The following TAFA4 variants were observed in gnomAD, a reference collection of about 807,000 sequenced individuals.
TAFA4 encodes the protein TAFA chemokine like family member 4.
In TAFA4, 20 loss-of-function variants were observed where a neutral mutation model predicts 21.1. The ratio of observed to expected loss-of-function variants is 0.95; its 90% CI spans 0.67 to 1.38. The LOEUF is 1.38. TAFA4 is among the 40% of genes most tolerant of loss of function. The pLI is 0.00. For missense variants in TAFA4, 211 were observed against 180.9 expected (o/e 1.17, Z -0.95); for synonymous variants, 71 against 67.4 (o/e 1.05, Z -0.26).
chr3:68,761,893 G>GCTAA (rs1236031921), intron 3 of TAFA4, among the ~76,000 whole-genome samples: 1 of 152,092 alleles, frequency 6.6e-6, no homozygotes, highest in African/African-American at 2.4e-5. Flanking sequence ...ATGTTAAGAG[G>GCTAA]CTAACTCCAA....
chr3:68,874,791 C>T (rs944259001), intron 3 of TAFA4, among the ~76,000 whole-genome samples: 3 of 152,000 alleles, frequency 2.0e-5, no homozygotes, highest in Non-Finnish European at 4.4e-5. Context: ...TTTACACACA[C>T]ACACACACAC....
At chr3:68,771,455 G>C (rs923102159) in intron 3 of TAFA4, among the ~76,000 whole-genome samples, 8 of 152,316 alleles carry the variant, frequency 5.3e-5, no homozygotes, top group Admixed American at 1.3e-4. Context: ...CTCCCCTTTG[G>C]GGTTTGAGCA....
At chr3:68,873,531 G>A (rs754774866) in intron 3 of TAFA4, among the ~76,000 whole-genome samples, 3 of 151,990 alleles carry the variant, frequency 2.0e-5, no homozygotes, top group South Asian at 2.1e-4. Flanking sequence ...ATGTTTAGCC[G>A]GCAACAGCTC....
At position 68,847,803 on chromosome 3, in the gene TAFA4, G is replaced by A. The variant is rs185644007; in HGVS notation, c.130+32927C>T. Among the ~76,000 whole-genome samples, 390 of 152,286 alleles carry A rather than the reference G, an allele frequency of 2.6e-3. 6 individuals are homozygous for A. The highest frequency in any genetic ancestry group is 7.8e-4 in the Non-Finnish European group (53 of 68,026). ...AAACCACTTGGTCATAAAATCCATG[G>A]AAATTTCTCAGGTGTATAGCATGCT... On this transcript the variant is annotated intron_variant, in intron 3 of 5. Coordinates refer to ENST00000295569, the MANE Select transcript of TAFA4 (RefSeq NM_182522.5).
At chr3:68,898,831 C>T (rs964869757) in intron 1 of TAFA4, among the ~76,000 whole-genome samples, 1 of 152,022 alleles carries the variant, frequency 6.6e-6, no homozygotes, top group Non-Finnish European at 1.5e-5. Context: ...CCCAAGTATA[C>T]AATATTAGTG....
chr3:68,790,100 TAG>T (rs1009124526), intron 3 of TAFA4, among the ~76,000 whole-genome samples: 1 of 152,180 alleles, frequency 6.6e-6, no homozygotes, highest in Non-Finnish European at 1.5e-5. Flanking sequence ...CATTTTCGAA[TAG>T]AGTTTTCAAT....
Position 68,769,436 on chromosome 3 carries a change from T to G in TAFA4, c.131-16418A>C, listed in dbSNP as rs115914451. On this transcript the variant is annotated intron_variant, in intron 3 of 5. Transcript: ENST00000295569. ...TCCCCAAACCATCCTCCCATCCCAG[T>G]GCATGGAAAAATCAAGTTTGATTAA... Among the ~76,000 whole-genome samples the G allele has an allele frequency of 8.3e-3, 1,263 of 152,306 alleles. 11 individuals carry two copies. The highest frequency in any genetic ancestry group is 0.029 in the African/African-American group (1,205 of 41,550).
chr3:68,841,152 T>A (rs1450984155), intron 3 of TAFA4, among the ~76,000 whole-genome samples: 2 of 77,804 alleles, frequency 2.6e-5, no homozygotes, highest in African/African-American at 8.3e-5. Context: ...TGAAACCCCG[T>A]CTCTACTAAA....
intron 5 of TAFA4, among the ~76,000 whole-genome samples, chr3:68,737,159 ATAT>A (rs1702256017): frequency 6.6e-6 from 1 of 152,144 alleles, no homozygotes. Context: ...ATCTTCCAAA[ATAT>A]TATTCCTTAG....
At chr3:68,822,718 C>T (rs567209119) in intron 3 of TAFA4, among the ~76,000 whole-genome samples, 12 of 152,226 alleles carry the variant, frequency 7.9e-5, no homozygotes, top group Non-Finnish European at 1.6e-4. Context: ...GCCATCCACC[C>T]GCCTCAGCCT....
In TAFA4 at chr3:68,872,308, A is replaced by G. The variant is rs572706986; in HGVS notation, c.130+8422T>C. Among the ~76,000 whole-genome samples, 3 of 152,260 alleles carry G rather than the reference A, an allele frequency of 2.0e-5. No individual in the cohort carries two copies. The South Asian group carries it at 6.2e-4, about 32-fold the overall frequency. ...TTAACTGAAATAAGCCAGGCACAGA[A>G]TAAATACTGCATGCTCTCATTCATA... On this transcript the variant is annotated intron_variant, in intron 3 of 5. Coordinates refer to ENST00000295569, the MANE Select transcript of TAFA4 (RefSeq NM_182522.5).
At chr3:68,791,766 G>C (rs1244226443) in intron 3 of TAFA4, among the ~76,000 whole-genome samples, 8 of 152,196 alleles carry the variant, frequency 5.3e-5, no homozygotes, top group Admixed American at 4.6e-4. Flanking sequence ...ATGTTACCTA[G>C]TAGGACACAG....
chr3:68,866,981 G>C (rs981849629), intron 3 of TAFA4, among the ~76,000 whole-genome samples: 4 of 152,036 alleles, frequency 2.6e-5, no homozygotes, highest in African/African-American at 9.7e-5. Context: ...AGACGGAATT[G>C]AGAAAGAGCA....
At chr3:68,823,387 T>C (rs924359888) in intron 3 of TAFA4, among the ~76,000 whole-genome samples, 1 of 152,212 alleles carries the variant, frequency 6.6e-6, no homozygotes, top group African/African-American at 2.4e-5. Context: ...TGAAGTGTCA[T>C]TGAATGCTCA....
chr3:68,835,991 G>C (rs1309599747), intron 3 of TAFA4, among the ~76,000 whole-genome samples: 5 of 152,178 alleles, frequency 3.3e-5, no homozygotes, highest in African/African-American at 9.7e-5. Context: ...GCAAATTACA[G>C]TGTATTTTCT....
At chr3:68,860,928 C>T (rs1221806841) in intron 3 of TAFA4, among the ~76,000 whole-genome samples, 3 of 151,870 alleles carry the variant, frequency 2.0e-5, no homozygotes, top group African/African-American at 7.3e-5. Flanking sequence ...CTTTAAATTT[C>T]TTCCTTTCAA....
chr3:68,896,706 A>G (rs575683566), intron 1 of TAFA4, among the ~76,000 whole-genome samples: 1 of 152,332 alleles, frequency 6.6e-6, no homozygotes, highest in African/African-American at 2.4e-5. Flanking sequence ...TTGGCCAGCT[A>G]TCTGGAGAGT....
At position 68,761,323 on chromosome 3, in the gene TAFA4, CA is replaced by C. The variant is rs1378992313; in HGVS notation, c.131-8306del. Among the ~76,000 whole-genome samples, 8 of 151,648 alleles carry C rather than the reference CA, an allele frequency of 5.3e-5. No individual in the cohort carries two copies. The East Asian group carries it at 1.5e-3, about 29-fold the overall frequency. On this transcript the variant is annotated intron_variant, in intron 3 of 5. Transcript: ENST00000295569. Reference sequence around the variant, plus strand: ...CTTTGACAAGCACATGCTAATATAACACTGAAAAAAATGAGCAAAAAAAAAA... The same window carrying C: ...CTTTGACAAGCACATGCTAATATAACCTGAAAAAAATGAGCAAAAAAAAAA...
chr3:68,852,200 T>C (rs1371852804), intron 3 of TAFA4, among the ~76,000 whole-genome samples: 5 of 152,062 alleles, frequency 3.3e-5, no homozygotes, highest in Non-Finnish European at 7.4e-5. Context: ...GGACCAAAGT[T>C]TGGAGAGAGA....
Sources: gnomAD v4.1 joint callset for allele counts (sites outside exome capture counted in the v4.1 genomes callset) on GRCh38, gnomAD v4.1.1 for gene constraint, MANE v1.5 for transcripts, NCBI Gene and HGNC (gene_info 2026-07-23, HGNC 2026-07-21) for gene names.